The following BOD1L1 variants were observed in gnomAD, a reference collection of about 807,000 sequenced individuals.
BOD1L1 encodes biorientation of chromosomes in cell division protein 1-like 1.
In BOD1L1, 86 loss-of-function variants were observed where a neutral mutation model predicts 240.7. The observed-to-expected ratio is 0.36, with a 90% CI of 0.30 to 0.43. The LOEUF (loss-of-function observed/expected upper bound fraction) is 0.43, where lower values mean the gene tolerates loss of function less well. BOD1L1 is among the 20% of genes least tolerant of loss of function. The probability of loss-of-function intolerance (pLI) is 1.00; values close to 1 mark genes in which losing one functional copy is unlikely to be tolerated. For missense variants in BOD1L1, 3,554 were observed against 3,643.5 expected (o/e 0.98, Z 0.63); for synonymous variants, 1,268 against 1,272.3 (o/e 1.00, Z 0.07).
chr4:13,580,950 G>T, intron 21 of BOD1L1, 70 bp downstream of exon 21: 2 of 1,366,718 alleles, frequency 1.5e-6, no homozygotes, highest in South Asian at 1.4e-5. Flanking sequence ...CAAAATACTA[G>T]ATATTGCATT....
chr4:13,599,141 G>C lies in BOD1L1; in HGVS notation c.7759C>G (p.Pro2587Ala). ...AACAGAGCTACACTGTAAGTAGCTG[G>C]AGGGATCATTGTGTGGGAAGGAGCA... ...KIAPSHTMIP[P>A]ATYSVALLAP... The change falls in exon 10 of 26, where the codon CCA (proline) becomes GCA (alanine). Residue 2587 changes from proline (P) to alanine (A), a missense_variant. Pro to Ala is a conservative substitution (Grantham distance 27, BLOSUM62 -1). Around this residue, in one of 2 missense-constraint regions of BOD1L1, gnomAD observed 3,393 missense variants for 3,427.1 expected, o/e 0.99. Transcript: ENST00000040738. 6.2e-7 allele frequency: 1 copy of C among 1,614,008 alleles called. No homozygotes were observed. Among genetic ancestry groups the C allele is most frequent in the Non-Finnish European group, 8.5e-7 (1 of 1,179,876 alleles).
At chr4:13,589,862 A>G (rs534875933) in intron 14 of BOD1L1, among the ~76,000 whole-genome samples, 27 of 152,344 alleles carry the variant, frequency 1.8e-4, no homozygotes, top group Non-Finnish European at 3.1e-4. Context: ...CCCCACTCCT[A>G]TAATAGGAAA....
chr4:13,591,812 A>G (rs1714241467), intron 13 of BOD1L1, 111 bp downstream of exon 13: 1 of 760,398 alleles, frequency 1.3e-6, no homozygotes, highest in Admixed American at 3.3e-5. Context: ...CCTGGCTACT[A>G]CAGAAATACA....
intron 25 of BOD1L1, among the ~76,000 whole-genome samples, chr4:13,575,648 T>C (rs1712652067): frequency 6.6e-6 from 1 of 152,170 alleles, no homozygotes; most frequent in Non-Finnish European, 1.5e-5. Flanking sequence ...TCTCCCAAAG[T>C]GTTGGGATTA....
chr4:13,584,539 C>T lies in BOD1L1; in HGVS notation c.8434-1803G>A, dbSNP rs192856075. Among the ~76,000 whole-genome samples, 7 of 150,444 alleles carry T rather than the reference C, an allele frequency of 4.7e-5. No individual in the cohort carries two copies. In the East Asian group the frequency reaches 1.4e-3, roughly 30 times the overall value. Reference sequence around the variant, plus strand: ...TTGGGGTCTTCTCCCTCATTTCAGCCAGAACATCTACACTTTTATCTGTTT... The same window carrying T: ...TTGGGGTCTTCTCCCTCATTTCAGCTAGAACATCTACACTTTTATCTGTTT... On this transcript the variant is annotated intron_variant, in intron 17 of 25. Transcript: ENST00000040738.
At chr4:13,582,869 G>GT (rs1354454766) in intron 17 of BOD1L1, 133 bp from the exon 18 acceptor site, 1 of 614,540 alleles carries the variant, frequency 1.6e-6, no homozygotes, top group Non-Finnish European at 2.8e-6. Context: ...TTTGGAAAAT[G>GT]TTTTTGAAGT....
chr4:13,604,943 CTCTT>C lies in BOD1L1; in HGVS notation c.1953_1956del (p.Arg652AsnfsTer24), dbSNP rs1715567536. 6.2e-7 allele frequency: 1 copy of C among 1,613,622 alleles called. No homozygotes were observed. The highest frequency in any genetic ancestry group is 8.5e-7 in the Non-Finnish European group (1 of 1,179,758). ...GGGGTAGATGTCCGTCTTTTATGTT[CTCTT>C]TCTAATTTGGATTCATTTTTGTTTT... On this transcript the variant is annotated frameshift_variant, in exon 10 of 26. Coordinates refer to ENST00000040738, the MANE Select transcript of BOD1L1 (RefSeq NM_148894.3). LOFTEE classifies it high-confidence loss of function.
intron 5 of BOD1L1, among the ~76,000 whole-genome samples, chr4:13,611,687 C>T (rs761573439): frequency 5.3e-5 from 8 of 152,208 alleles, no homozygotes; most frequent in Non-Finnish European, 8.8e-5. Flanking sequence ...CCTCCATCTG[C>T]GCCTCAGAGT....
chr4:13,585,368 A>G (rs971074006), intron 17 of BOD1L1, among the ~76,000 whole-genome samples: 1 of 152,192 alleles, frequency 6.6e-6, no homozygotes, highest in Non-Finnish European at 1.5e-5. Flanking sequence ...AATAATTTAT[A>G]AAAATATAAA....
rs779950678 is a variant in BOD1L1, at chr4:13,600,220, C to T, written c.6680G>A (p.Cys2227Tyr). 2.5e-6 allele frequency: 4 copies of T among 1,614,024 alleles called. No individual in the cohort carries two copies. In the Admixed American group the frequency reaches 5.0e-5, roughly 20 times the overall value. The change falls in exon 10 of 26, where the codon TGT becomes TAT. Residue 2227 changes from cysteine to tyrosine, a missense_variant. By Grantham distance (194) the Cys-to-Tyr change is radical. This residue lies in a region of BOD1L1 where 3,393 missense variants were observed against 3,427.1 expected (regional missense o/e 0.99). Transcript: ENST00000040738. ...ALISTSIAEE[C>Y]EASVSGVVVE... ...AACTACACCGGAAACAGAAGCCTCA[C>T]ATTCTTCTGCTATGCTAGTGGAAAT...
At position 13,600,920 on chromosome 4, in the gene BOD1L1, C is replaced by G; in HGVS notation, c.5980G>C (p.Val1994Leu). Residue 1994 changes from valine to leucine, a missense_variant, in exon 10 of 26, where the codon GTT becomes CTT. Physicochemically the swap from Val to Leu is conservative, Grantham distance 32 (BLOSUM62 1). Transcript: ENST00000040738. ...SDQSDSQLEK[V>L]EDTTISTGLV... ...CCAGTGGAAATAGTGGTATCTTCAA[C>G]TTTTTCGAGCTGACTGTCACTTTGA... The G allele has an allele frequency of 6.2e-7, 1 of 1,613,980 alleles. No individual in the cohort carries two copies. Among genetic ancestry groups the G allele is most frequent in the Non-Finnish European group, 8.5e-7 (1 of 1,179,898 alleles).
At chr4:13,584,430 A>AAGAG (rs776383948) in intron 17 of BOD1L1, among the ~76,000 whole-genome samples, 7 of 109,938 alleles carry the variant, frequency 6.4e-5, no homozygotes, top group East Asian at 3.0e-4. Flanking sequence ...CGGGGAGAGA[A>AAGAG]AGAGAGAGAG....
Position 13,607,142 on chromosome 4 carries a change from G to C in BOD1L1, c.1790C>G (p.Ser597Cys), listed in dbSNP as rs866807948. 1 of 1,572,380 alleles carries C rather than the reference G, an allele frequency of 6.4e-7. No individual in the cohort carries two copies. The highest frequency in any genetic ancestry group is 8.6e-7 in the Non-Finnish European group (1 of 1,159,068). Residue 597 changes from serine to cysteine, a missense_variant, in exon 9 of 26, where the codon TCC (serine) becomes TGC (cysteine). Physicochemically the swap from Ser to Cys is moderately radical, Grantham distance 112. Transcript: ENST00000040738. ...CTCACTTGTTTTAAGGGTTTCTTTG[G>C]AATCTTCTTCATATTGCTGTTTCTT... ...SKKKQQYEED[S>C]KETLKTSEHC...
chr4:13,596,055 C>T (rs1714599797), intron 11 of BOD1L1, 111 bp from the exon 12 acceptor site: 7 of 847,400 alleles, frequency 8.3e-6, no homozygotes, highest in Non-Finnish European at 1.3e-5. Context: ...AATATAAAAG[C>T]CTATTTTCAA....
chr4:13,612,734 T>C (rs1289686455), intron 5 of BOD1L1, among the ~76,000 whole-genome samples: 1 of 152,134 alleles, frequency 6.6e-6, no homozygotes, highest in Non-Finnish European at 1.5e-5. Flanking sequence ...GCGAAGGCTC[T>C]TGAGTCAAGC....
At chr4:13,591,528 A>G (rs1714217971) in intron 13 of BOD1L1, among the ~76,000 whole-genome samples, 2 of 152,226 alleles carry the variant, frequency 1.3e-5, no homozygotes, top group South Asian at 4.1e-4. Flanking sequence ...CACATCTGGG[A>G]AAAAATATGT....
At chr4:13,622,804 T>C (rs1717129457) in intron 1 of BOD1L1, among the ~76,000 whole-genome samples, 1 of 152,224 alleles carries the variant, frequency 6.6e-6, no homozygotes, top group African/African-American at 2.4e-5. Context: ...CTATTACACG[T>C]GGTCAACCCA....
intron 6 of BOD1L1, among the ~76,000 whole-genome samples, chr4:13,610,366 T>C (rs574437630): frequency 1.8e-4 from 28 of 152,338 alleles, no homozygotes; most frequent in African/African-American, 6.7e-4. Flanking sequence ...GATTTAAACA[T>C]TTCCATACTG....
At chr4:13,594,540 T>C (rs1319138381) in intron 12 of BOD1L1, among the ~76,000 whole-genome samples, 1 of 152,148 alleles carries the variant, frequency 6.6e-6, no homozygotes, top group Non-Finnish European at 1.5e-5. Flanking sequence ...GAGTGCTCAA[T>C]GGAATTTTCC....
Sources: allele counts gnomAD v4.1 joint callset (sites outside exome capture counted in the v4.1 genomes callset), GRCh38; gene constraint gnomAD v4.1.1; regional missense constraint gnomAD v4.1.1; transcripts MANE v1.5; gene names NCBI Gene and HGNC (gene_info 2026-07-23, HGNC 2026-07-21).